Variants in UBE2QL1 observed in about 807,000 individuals in gnomAD.
The protein encoded by UBE2QL1 is ubiquitin conjugating enzyme E2 QL1, also known as ubiquitin-conjugating enzyme E2Q-like protein 1.
A neutral mutation model predicts 12.6 loss-of-function variants in UBE2QL1; 5 were observed. The observed-to-expected ratio is 0.40, with a 90% CI of 0.21 to 0.83. The LOEUF (loss-of-function observed/expected upper bound fraction) is 0.83. Among genes scored for constraint, UBE2QL1 ranks in the 40% least tolerant of loss-of-function variants. The probability of loss-of-function intolerance (pLI) is 0.37; values close to 1 mark genes in which losing one functional copy is unlikely to be tolerated. For missense variants in UBE2QL1, 99 were observed against 222.6 expected, an observed-to-expected ratio of 0.44 and a Z score of 3.53; for synonymous variants, 96 against 94.5, an observed-to-expected ratio of 1.02 and a Z score of -0.10.
In UBE2QL1 at chr5:6,481,326, T is replaced by G. The variant is rs1734356352; in HGVS notation, c.355-9892T>G. 6.6e-6 allele frequency among the ~76,000 whole-genome samples: 1 copy of G among 152,166 alleles called. No homozygotes were observed. The highest frequency in any genetic ancestry group is 1.5e-5 in the Non-Finnish European group (1 of 68,012). ...TCACTTGGCATGGTGGCCCACCACC[T>G]CCATCCCATCTCGCCTTGCACGCCA... On this transcript the variant is annotated intron_variant, in intron 1 of 1. Coordinates refer to ENST00000399816, the MANE Select transcript of UBE2QL1 (RefSeq NM_001145161.3). The surrounding 1 kb of genome is among the most constrained non-coding windows in gnomAD (Gnocchi z 4.5).
intron 1 of UBE2QL1, among the ~76,000 whole-genome samples, chr5:6,472,928 T>C (rs1739948150): frequency 6.6e-6 from 1 of 152,214 alleles, no homozygotes; most frequent in Non-Finnish European, 1.5e-5. Context: ...TGAGCCCTTC[T>C]CCATGTGAGC....
intron 1 of UBE2QL1, among the ~76,000 whole-genome samples, chr5:6,483,113 G>A (rs866030040): frequency 2.0e-5 from 3 of 152,158 alleles, no homozygotes; most frequent in South Asian, 2.1e-4. Flanking sequence ...TCTCTTCCAC[G>A]TCTTGATAGG....
At chr5:6,486,167 G>A (rs1443835004) in intron 1 of UBE2QL1, among the ~76,000 whole-genome samples, 2 of 152,062 alleles carry the variant, frequency 1.3e-5, no homozygotes, top group African/African-American at 4.8e-5. Context: ...CTATTATAAT[G>A]CTTATTTTAC....
At chr5:6,450,076 A>G (rs1430375217) in intron 1 of UBE2QL1, among the ~76,000 whole-genome samples, 4 of 145,068 alleles carry the variant, frequency 2.8e-5, no homozygotes, top group South Asian at 2.4e-4. Flanking sequence ...CCCTTAAGAG[A>G]CAAGACCAGA....
chr5:6,489,150 C>T (rs1165636681), intron 1 of UBE2QL1, among the ~76,000 whole-genome samples: 1 of 152,058 alleles, frequency 6.6e-6, no homozygotes, highest in Non-Finnish European at 1.5e-5. Context: ...AAAAGGTGTG[C>T]ATCGTGGCAC....
intron 1 of UBE2QL1, among the ~76,000 whole-genome samples, chr5:6,459,109 A>G (rs908034267): frequency 2.6e-5 from 4 of 152,182 alleles, no homozygotes; most frequent in African/African-American, 9.7e-5. Flanking sequence ...GGAGAGCTGC[A>G]GAGACTGGTG....
intron 1 of UBE2QL1, among the ~76,000 whole-genome samples, chr5:6,487,692 A>G (rs929063989): frequency 6.6e-6 from 1 of 152,264 alleles, no homozygotes; most frequent in African/African-American, 2.4e-5. Flanking sequence ...TGTTAATTGT[A>G]TGAAGTTCAA....
intron 1 of UBE2QL1, among the ~76,000 whole-genome samples, chr5:6,483,038 T>C (rs1734394064): frequency 6.6e-6 from 1 of 152,210 alleles, no homozygotes; most frequent in South Asian, 2.1e-4. Flanking sequence ...CAACACACTC[T>C]GATCAGACCA....
intron 1 of UBE2QL1, among the ~76,000 whole-genome samples, chr5:6,453,116 C>A (rs1490816265): frequency 2.0e-5 from 3 of 152,194 alleles, no homozygotes; most frequent in Non-Finnish European, 4.4e-5. Flanking sequence ...TTGCTTGTGC[C>A]AAACTCTGGG....
intron 1 of UBE2QL1, among the ~76,000 whole-genome samples, chr5:6,485,537 G>T (rs577621912): frequency 2.6e-5 from 4 of 152,168 alleles, no homozygotes; most frequent in Admixed American, 6.5e-5. Context: ...AGTTTTAGGG[G>T]AAACCTAAAA....
At chr5:6,490,168 G>A (rs1276929653) in intron 1 of UBE2QL1, among the ~76,000 whole-genome samples, 21 of 152,312 alleles carry the variant, frequency 1.4e-4, no homozygotes, top group East Asian at 1.3e-3. Flanking sequence ...CTAAGGGAAC[G>A]TTTCAGTTGA....
chr5:6,493,953 A>G lies in UBE2QL1; in HGVS notation c.*2604A>G, dbSNP rs1464072765. 1 of 152,240 alleles carries G rather than the reference A, an allele frequency of 6.6e-6. No homozygotes were observed. The highest frequency in any genetic ancestry group is 1.5e-5 in the Non-Finnish European group (1 of 68,082). 9.4% of individuals were successfully genotyped at this position (152,240 alleles called of 1,614,324 possible). A position where few individuals can be genotyped will look rare whatever the true frequency, so the allele number is the denominator to read the frequency against. On this transcript the variant is annotated 3_prime_UTR_variant, in exon 2 of 2. Transcript: ENST00000399816. ...GCCTGAAGCCTGGGGCCACGTTCCC[A>G]CACAAGCCAAGGAACCTATTCCTCT...
intron 1 of UBE2QL1, among the ~76,000 whole-genome samples, chr5:6,449,627 A>G: frequency 7.1e-6 from 1 of 140,664 alleles, no homozygotes. Flanking sequence ...TTCCTCCTGG[A>G]CTCTTTCTCC....
At chr5:6,461,543 A>ACCCCCCCCCCCCCCCCCCCC (rs71953375) in intron 1 of UBE2QL1, among the ~76,000 whole-genome samples, 2 of 42,182 alleles carry the variant, frequency 4.7e-5, no homozygotes, top group African/African-American at 1.5e-4. Flanking sequence ...AGCACCCACC[A>ACCCCCCCCCCCCCCCCCCCC]CCCCCCCCCG....
intron 1 of UBE2QL1, among the ~76,000 whole-genome samples, chr5:6,466,158 G>A (rs991916824): frequency 6.6e-6 from 1 of 152,118 alleles, no homozygotes; most frequent in Non-Finnish European, 1.5e-5. Flanking sequence ...AGCGCCCAGC[G>A]TCTTCACGGT....
chr5:6,449,819 TG>T (rs1222431688), intron 1 of UBE2QL1, among the ~76,000 whole-genome samples: 13 of 151,708 alleles, frequency 8.6e-5, no homozygotes, highest in Non-Finnish European at 1.5e-4. Flanking sequence ...GAACTTTTTC[TG>T]GACCTCAGGA....
intron 1 of UBE2QL1, among the ~76,000 whole-genome samples, chr5:6,474,907 G>A (rs923178188): frequency 1.1e-4 from 17 of 152,208 alleles, no homozygotes; most frequent in Non-Finnish European, 2.1e-4. Context: ...GCATGGCATT[G>A]TGCAGTTTAC....
rs1284919434 is a variant in UBE2QL1, at chr5:6,456,969, T to G, written c.354+7722T>G. ...GCTCTCCTCTCCCGCTCTCTTCCTC[T>G]CCAGCCCTGTGCTCCTGCCTCGTGG... On this transcript the variant is annotated intron_variant, in intron 1 of 1. Coordinates refer to ENST00000399816, the MANE Select transcript of UBE2QL1 (RefSeq NM_001145161.3). 2.0e-5 allele frequency among the ~76,000 whole-genome samples: 3 copies of G among 151,934 alleles called. No individual in the cohort carries two copies. In the East Asian group the frequency reaches 5.9e-4, roughly 30 times the overall value.
rs1212865427 is a variant in UBE2QL1 at position 6,492,743 on chromosome 5, C to T, written c.*1394C>T. 2.6e-5 allele frequency: 4 copies of T among 152,116 alleles called. No individual in the cohort carries two copies. Among genetic ancestry groups the T allele is most frequent in the Non-Finnish European group, 4.4e-5 (3 of 68,028 alleles). The allele number at this position is 152,116 out of a possible 1,614,324, so 9.4% of individuals were successfully genotyped here. On this transcript the variant is annotated 3_prime_UTR_variant, in exon 2 of 2. Coordinates refer to ENST00000399816, the MANE Select transcript of UBE2QL1 (RefSeq NM_001145161.3). ...GGTACCAGAAATGAGTCTTAGGAAC[C>T]CATAGTCTTTGCAAAAATTCAGTAG...
Sources: allele counts gnomAD v4.1 joint callset (sites outside exome capture counted in the v4.1 genomes callset), GRCh38; gene constraint gnomAD v4.1.1; non-coding constraint Gnocchi (gnomAD v3.1); transcripts MANE v1.5; gene names NCBI Gene and HGNC (gene_info 2026-07-23, HGNC 2026-07-21).